The following STXBP5 variants were observed in gnomAD, a reference collection of about 807,000 sequenced individuals.
The protein encoded by STXBP5 is syntaxin binding protein 5.
In STXBP5, 50 loss-of-function variants were observed where a neutral mutation model predicts 152.4. The observed-to-expected ratio is 0.33, with a 90% CI of 0.26 to 0.42. STXBP5 has a LOEUF of 0.42. Ranked by LOEUF, STXBP5 falls within the 10% of genes least tolerant of loss-of-function variation. STXBP5 has a pLI of 1.00. For synonymous variants in STXBP5, 492 were observed against 494.7 expected (o/e 0.99, Z 0.07); for missense variants, 1,167 against 1,388.6 (o/e 0.84, Z 2.54).
intron 4 of STXBP5, among the ~76,000 whole-genome samples, chr6:147,247,505 A>C (rs948414349): frequency 2.0e-5 from 3 of 152,354 alleles, no homozygotes; most frequent in Non-Finnish European, 4.4e-5. Flanking sequence ...TTTAAAATAA[A>C]AGAAAAATTC....
chr6:147,376,245 T>G (rs1034617332), intron 26 of STXBP5, among the ~76,000 whole-genome samples: 3 of 152,196 alleles, frequency 2.0e-5, no homozygotes, highest in Non-Finnish European at 2.9e-5. Flanking sequence ...CTTGAATTTT[T>G]TGGGAAACTT....
chr6:147,298,162 T>C (rs1781624599), intron 9 of STXBP5, among the ~76,000 whole-genome samples: 1 of 152,028 alleles, frequency 6.6e-6, no homozygotes, highest in Non-Finnish European at 1.5e-5. Flanking sequence ...AAAAGATATT[T>C]CATGCAAACC....
intron 2 of STXBP5, among the ~76,000 whole-genome samples, chr6:147,228,720 T>G (rs555427103): frequency 6.6e-6 from 1 of 152,220 alleles, no homozygotes; most frequent in South Asian, 2.1e-4. Flanking sequence ...ACAGCATACA[T>G]GTATGTTCAG....
rs1194350564 is a variant in STXBP5 at position 147,387,265 on chromosome 6, A to C, written c.*2510A>C. 2 of 151,510 alleles carry C rather than the reference A, an allele frequency of 1.3e-5. No individual in the cohort carries two copies. Among genetic ancestry groups the C allele is most frequent in the African/African-American group, 4.8e-5 (2 of 41,352 alleles). The allele number at this position is 151,510 out of a possible 1,614,324, so 9.4% of individuals were successfully genotyped here. ...TAACATCTCTATTTTTTTCTTTTTA[A>C]ATACAGAAAGTAATAGTCACCAGCA... On this transcript the variant is annotated 3_prime_UTR_variant, in exon 28 of 28. Coordinates refer to ENST00000321680, the MANE Select transcript of STXBP5 (RefSeq NM_001127715.4).
intron 9 of STXBP5, among the ~76,000 whole-genome samples, chr6:147,299,087 T>A (rs1781676246): frequency 6.6e-6 from 1 of 151,718 alleles, no homozygotes. Context: ...AAACACAGTT[T>A]GTTTTCTGAA....
chr6:147,319,760 A>G (rs1185840157), intron 16 of STXBP5, among the ~76,000 whole-genome samples: 1 of 149,344 alleles, frequency 6.7e-6, no homozygotes, highest in African/African-American at 2.5e-5. Context: ...GAGTCCTGTC[A>G]CCTGTAATTG....
chr6:147,370,196 T>C (rs1371685706), intron 25 of STXBP5, among the ~76,000 whole-genome samples: 1 of 151,966 alleles, frequency 6.6e-6, no homozygotes, highest in Admixed American at 6.6e-5. Flanking sequence ...AAATACAAAT[T>C]ATAGTGAAAG....
At chr6:147,254,069 TA>T (rs1284323648) in intron 4 of STXBP5, among the ~76,000 whole-genome samples, 7 of 151,912 alleles carry the variant, frequency 4.6e-5, no homozygotes, top group African/African-American at 1.7e-4. Context: ...AGAACCAAAA[TA>T]GCATGGTACT....
chr6:147,385,472 C>G lies in STXBP5; in HGVS notation c.*717C>G, dbSNP rs1786294809. Reference sequence around the variant, plus strand: ...TTGAAAAGAAAAGTGTAGAGCATGACTGAATTGCTCATCATTCTGGGAGTT... The same window carrying G: ...TTGAAAAGAAAAGTGTAGAGCATGAGTGAATTGCTCATCATTCTGGGAGTT... On this transcript the variant is annotated 3_prime_UTR_variant, in exon 28 of 28. Coordinates refer to ENST00000321680, the MANE Select transcript of STXBP5 (RefSeq NM_001127715.4). The G allele has an allele frequency of 6.6e-6, 1 of 151,966 alleles. No individual in the cohort carries two copies. The allele number at this position is 151,966 out of a possible 1,614,324, so 9.4% of individuals were successfully genotyped here. A position where few individuals can be genotyped will look rare whatever the true frequency, so the allele number is the denominator to read the frequency against.
chr6:147,366,988 C>T (rs1180087276), intron 25 of STXBP5, among the ~76,000 whole-genome samples: 1 of 152,162 alleles, frequency 6.6e-6, no homozygotes, highest in African/African-American at 2.4e-5. Context: ...CATGAGCCAT[C>T]ATGAGGAGAA....
In STXBP5 at chr6:147,289,968, C is replaced by T. The variant is rs989203192; in HGVS notation, c.839-1126C>T. 1.4e-4 allele frequency among the ~76,000 whole-genome samples: 21 copies of T among 152,256 alleles called. No homozygotes were observed. In the East Asian group the frequency reaches 3.1e-3, roughly 22 times the overall value. ...GTAATCCCAGCACTTCAGGAGACTGCGGCGGGCAGCTCCCTTGAGCCCAGA... is the reference window on the plus strand; with the variant it reads ...GTAATCCCAGCACTTCAGGAGACTGTGGCGGGCAGCTCCCTTGAGCCCAGA... On this transcript the variant is annotated intron_variant, in intron 8 of 27. Transcript: ENST00000321680.
At chr6:147,218,046 A>G (rs892562749) in intron 2 of STXBP5, among the ~76,000 whole-genome samples, 6 of 152,184 alleles carry the variant, frequency 3.9e-5, no homozygotes. Flanking sequence ...TTCTAAATAG[A>G]CTTCATTTTT....
At chr6:147,332,108 A>G (rs753627294) in intron 18 of STXBP5, among the ~76,000 whole-genome samples, 3 of 152,222 alleles carry the variant, frequency 2.0e-5, no homozygotes, top group Non-Finnish European at 4.4e-5. Context: ...CTGTATTGCT[A>G]GGAATATTTG....
intron 2 of STXBP5, among the ~76,000 whole-genome samples, chr6:147,225,674 G>A (rs1330320960): frequency 6.6e-6 from 1 of 152,190 alleles, no homozygotes; most frequent in Non-Finnish European, 1.5e-5. Flanking sequence ...GGTAGTGACG[G>A]TAGTGAAAAC....
chr6:147,378,362 C>T (rs1256445863), intron 26 of STXBP5, among the ~76,000 whole-genome samples: 1 of 147,490 alleles, frequency 6.8e-6, no homozygotes, highest in Non-Finnish European at 1.5e-5. Flanking sequence ...GATAATATAC[C>T]AAGACCAAGT....
chr6:147,264,461 T>C (rs1779789980), intron 6 of STXBP5, among the ~76,000 whole-genome samples: 1 of 152,144 alleles, frequency 6.6e-6, no homozygotes, highest in Non-Finnish European at 1.5e-5. Flanking sequence ...GGTGACATTA[T>C]GTGTTCCATA....
intron 25 of STXBP5, among the ~76,000 whole-genome samples, chr6:147,366,967 A>T (rs1203927412): frequency 6.6e-6 from 1 of 152,240 alleles, no homozygotes; most frequent in African/African-American, 2.4e-5. Flanking sequence ...GCATGGAAAG[A>T]GACAGAAAAA....
chr6:147,237,782 G>C lies in STXBP5; in HGVS notation c.331-1388G>C, dbSNP rs114106844. ...TCCTGACAGCTGTTTTAATTCTTCTGAGTAGATGAGAAACTCTTATTTTGA... is the reference window on the plus strand; with the variant it reads ...TCCTGACAGCTGTTTTAATTCTTCTCAGTAGATGAGAAACTCTTATTTTGA... On this transcript the variant is annotated intron_variant, in intron 3 of 27. Coordinates refer to ENST00000321680, the MANE Select transcript of STXBP5 (RefSeq NM_001127715.4). 2.4e-3 allele frequency among the ~76,000 whole-genome samples: 369 copies of C among 152,256 alleles called. 2 individuals carry two copies. The highest frequency in any genetic ancestry group is 8.4e-3 in the African/African-American group (349 of 41,554).
chr6:147,384,852 T>C lies in STXBP5; in HGVS notation c.*97T>C. The C allele has an allele frequency of 8.2e-7, 1 of 1,221,802 alleles. No individual in the cohort carries two copies. Among genetic ancestry groups the C allele is most frequent in the Non-Finnish European group, 1.2e-6 (1 of 837,398 alleles). 75.7% of individuals were successfully genotyped at this position (1,221,802 alleles called of 1,614,324 possible). A position where few individuals can be genotyped will look rare whatever the true frequency, so the allele number is the denominator to read the frequency against. On this transcript the variant is annotated 3_prime_UTR_variant, in exon 28 of 28. Coordinates refer to ENST00000321680, the MANE Select transcript of STXBP5 (RefSeq NM_001127715.4). ...AAAGTTAACGTTAAAGGGATGTTCG[T>C]CACTGAATACTGTTCTTTCCTAGCA...
Sources: gnomAD v4.1 joint callset for allele counts (sites outside exome capture counted in the v4.1 genomes callset) on GRCh38, gnomAD v4.1.1 for gene constraint, MANE v1.5 for transcripts, NCBI Gene and HGNC (gene_info 2026-07-23, HGNC 2026-07-21) for gene names.